Variants in SHISA6 observed in about 807,000 individuals in gnomAD.
The protein encoded by SHISA6 is protein shisa-6.
In SHISA6, 22 loss-of-function variants were observed where a neutral mutation model predicts 47.9. That is an observed-to-expected ratio of 0.46 (90% CI 0.33 to 0.66). SHISA6 has a LOEUF of 0.66. Among genes scored for constraint, SHISA6 ranks in the 30% least tolerant of loss-of-function variants. The pLI, the probability that SHISA6 is intolerant of heterozygous loss-of-function variation, is 0.02. For synonymous variants in SHISA6, 388 were observed against 337.8 expected, an observed-to-expected ratio of 1.15 and a Z score of -1.63; for missense variants, 680 against 764.6, an observed-to-expected ratio of 0.89 and a Z score of 1.30.
chr17:11,267,047 C>T lies in SHISA6; in HGVS notation c.799+3521C>T, dbSNP rs952122655. 3.3e-5 allele frequency among the ~76,000 whole-genome samples: 5 copies of T among 152,192 alleles called. No homozygotes were observed. The East Asian group carries it at 9.6e-4, about 29-fold the overall frequency. Reference sequence around the variant, plus strand: ...CTTTATGCGTAATAGCGAATGGATCCTGTAATATTTCTTAGATGTGAAAGT... The same window carrying T: ...CTTTATGCGTAATAGCGAATGGATCTTGTAATATTTCTTAGATGTGAAAGT... On this transcript the variant is annotated intron_variant, in intron 2 of 5. Transcript: ENST00000441885.
chr17:11,459,038 C>T (rs1029086665), intron 3 of SHISA6, among the ~76,000 whole-genome samples: 5 of 144,406 alleles, frequency 3.5e-5, no homozygotes, highest in Non-Finnish European at 6.0e-5. Flanking sequence ...GGTGAAACCC[C>T]GTCTCTACTA....
chr17:11,407,833 G>A (rs539733871), intron 3 of SHISA6, among the ~76,000 whole-genome samples: 7 of 152,134 alleles, frequency 4.6e-5, no homozygotes, highest in Non-Finnish European at 7.3e-5. Context: ...GGCTTTATGA[G>A]GAAAATTAGA....
At position 11,366,603 on chromosome 17, in the gene SHISA6, C is replaced by T. The variant is rs116587573; in HGVS notation, c.800-12811C>T. Among the ~76,000 whole-genome samples, 657 of 152,310 alleles carry T rather than the reference C, an allele frequency of 4.3e-3. 7 individuals carry two copies. The highest frequency in any genetic ancestry group is 0.015 in the African/African-American group (617 of 41,576). On this transcript the variant is annotated intron_variant, in intron 2 of 5. Coordinates refer to ENST00000441885, the MANE Select transcript of SHISA6 (RefSeq NM_207386.4). The stretch of plus-strand genomic sequence containing the variant: ...AGTGGAAGCAGGAAGCTCAGTCCTC[C>T]TGCTGTAGCAGGTCAGATGAGGGAT...
intron 2 of SHISA6, among the ~76,000 whole-genome samples, chr17:11,283,667 A>C (rs139313624): frequency 6.6e-6 from 1 of 152,222 alleles, no homozygotes; most frequent in East Asian, 1.9e-4. Context: ...ATATTTTCTA[A>C]TGCATAGATG....
At chr17:11,439,450 A>T (rs1180883173) in intron 3 of SHISA6, among the ~76,000 whole-genome samples, 1 of 152,174 alleles carries the variant, frequency 6.6e-6, no homozygotes, top group African/African-American at 2.4e-5. Context: ...AGAGTCACAG[A>T]CTTCAAGCGT....
chr17:11,440,271 T>A (rs569259166), intron 3 of SHISA6, among the ~76,000 whole-genome samples: 1 of 152,282 alleles, frequency 6.6e-6, no homozygotes, highest in South Asian at 2.1e-4. Flanking sequence ...TACTTCATAA[T>A]TTGCATCAAA....
chr17:11,308,665 A>G (rs868708809), intron 2 of SHISA6, among the ~76,000 whole-genome samples: 3 of 152,238 alleles, frequency 2.0e-5, no homozygotes, highest in Non-Finnish European at 4.4e-5. Flanking sequence ...TTAATAAAGA[A>G]ACTCTGCGAT....
intron 3 of SHISA6, among the ~76,000 whole-genome samples, chr17:11,413,424 G>A (rs1597501177): frequency 6.6e-6 from 1 of 152,304 alleles, no homozygotes; most frequent in South Asian, 2.1e-4. Flanking sequence ...GACATTCAAG[G>A]AAAAGCCAGA....
intron 3 of SHISA6, among the ~76,000 whole-genome samples, chr17:11,503,289 A>G (rs954038519): frequency 7.2e-5 from 11 of 151,748 alleles, no homozygotes; most frequent in African/African-American, 1.5e-4. Flanking sequence ...TCCTTTGCCT[A>G]TTATCTGCCT....
intron 2 of SHISA6, among the ~76,000 whole-genome samples, chr17:11,286,240 A>G (rs944514869): frequency 6.6e-6 from 1 of 152,124 alleles, no homozygotes; most frequent in African/African-American, 2.4e-5. Flanking sequence ...GAGGGACTAG[A>G]GCATATCTGT....
chr17:11,300,362 T>C (rs1022271257), intron 2 of SHISA6, among the ~76,000 whole-genome samples: 6 of 152,220 alleles, frequency 3.9e-5, no homozygotes, highest in African/African-American at 1.4e-4. Flanking sequence ...TGCAAGCCAC[T>C]GCCCTTCTCT....
intron 2 of SHISA6, among the ~76,000 whole-genome samples, chr17:11,377,180 T>C (rs1912831131): frequency 6.6e-6 from 1 of 152,222 alleles, no homozygotes; most frequent in South Asian, 2.1e-4. Flanking sequence ...TCCTTTCAAA[T>C]GCTCTTGGTG....
At chr17:11,277,174 C>T (rs953818928) in intron 2 of SHISA6, among the ~76,000 whole-genome samples, 5 of 151,566 alleles carry the variant, frequency 3.3e-5, no homozygotes, top group Admixed American at 1.3e-4. Flanking sequence ...CTCCAGTGGA[C>T]GTTGCCAGAG....
At chr17:11,251,879 C>G (rs1053383511) in intron 1 of SHISA6, among the ~76,000 whole-genome samples, 5 of 152,324 alleles carry the variant, frequency 3.3e-5, no homozygotes, top group South Asian at 4.1e-4. Context: ...AGCTCCCAAC[C>G]TGCCACACGC....
intron 2 of SHISA6, among the ~76,000 whole-genome samples, chr17:11,270,403 A>G (rs1908594427): frequency 6.6e-6 from 1 of 152,120 alleles, no homozygotes; most frequent in Non-Finnish European, 1.5e-5. Flanking sequence ...ACCCTCCTAT[A>G]GAGGGGCCAA....
At chr17:11,436,611 CT>C (rs1485293894) in intron 3 of SHISA6, among the ~76,000 whole-genome samples, 1 of 152,106 alleles carries the variant, frequency 6.6e-6, no homozygotes, top group Admixed American at 6.5e-5. Context: ...TGTGCTTTTT[CT>C]GCTCGACTTT....
intron 3 of SHISA6, among the ~76,000 whole-genome samples, chr17:11,491,248 C>T (rs1219522029): frequency 6.6e-6 from 1 of 152,102 alleles, no homozygotes; most frequent in Non-Finnish European, 1.5e-5. Flanking sequence ...AAATAATGGC[C>T]TCGAGCAGGG....
At chr17:11,443,987 C>G (rs1230470951) in intron 3 of SHISA6, among the ~76,000 whole-genome samples, 2 of 151,948 alleles carry the variant, frequency 1.3e-5, no homozygotes, top group Non-Finnish European at 2.9e-5. Flanking sequence ...AAAATAAAGT[C>G]AGAGAAATAA....
At chr17:11,419,139 C>T (rs888005823) in intron 3 of SHISA6, among the ~76,000 whole-genome samples, 2 of 151,774 alleles carry the variant, frequency 1.3e-5, no homozygotes, top group Admixed American at 1.3e-4. Flanking sequence ...ATGGGTGCAG[C>T]ACACCAACGT....
Sources: gnomAD v4.1 joint callset for allele counts (sites outside exome capture counted in the v4.1 genomes callset) on GRCh38, gnomAD v4.1.1 for gene constraint, MANE v1.5 for transcripts, NCBI Gene and HGNC (gene_info 2026-07-23, HGNC 2026-07-21) for gene names.